The following RGS7 variants were observed in gnomAD, a reference collection of about 807,000 sequenced individuals.
The protein encoded by RGS7 is regulator of G-protein signaling 7.
A neutral mutation model predicts 81.1 loss-of-function variants in RGS7; 27 were observed. The ratio of observed to expected loss-of-function variants is 0.33; its 90% CI spans 0.25 to 0.46. The LOEUF (loss-of-function observed/expected upper bound fraction) is 0.46. Among genes scored for constraint, RGS7 ranks in the 20% least tolerant of loss-of-function variants. The pLI is 1.00. For synonymous variants in RGS7, 208 were observed against 207.7 expected (o/e 1.00, Z -0.01); for missense variants, 396 against 607.4 (o/e 0.65, Z 3.66).
chr1:241,245,438 G>C (rs911992317), intron 2 of RGS7, among the ~76,000 whole-genome samples: 2 of 151,224 alleles, frequency 1.3e-5, no homozygotes, highest in Admixed American at 6.6e-5. Flanking sequence ...CTCCCCAGAA[G>C]CAGAAGCTTG....
chr1:241,318,540 T>C (rs1028433860), intron 2 of RGS7, among the ~76,000 whole-genome samples: 2 of 152,024 alleles, frequency 1.3e-5, no homozygotes, highest in African/African-American at 4.8e-5. Flanking sequence ...CACCACAACC[T>C]CTGCCTCCTG....
intron 3 of RGS7, among the ~76,000 whole-genome samples, chr1:241,086,364 C>A (rs1255396991): frequency 6.6e-6 from 1 of 152,124 alleles, no homozygotes; most frequent in Non-Finnish European, 1.5e-5. Context: ...TGGGTGACAT[C>A]ACTGTTGGTA....
chr1:241,134,982 T>A (rs1459612658), intron 2 of RGS7, among the ~76,000 whole-genome samples: 1 of 150,098 alleles, frequency 6.7e-6, no homozygotes, highest in East Asian at 2.0e-4. Context: ...CCTCTGAAGA[T>A]GGAGAAGGAG....
chr1:241,015,499 C>A (rs548596229), intron 3 of RGS7, among the ~76,000 whole-genome samples: 1 of 152,138 alleles, frequency 6.6e-6, no homozygotes, highest in Non-Finnish European at 1.5e-5. Context: ...ACCATTATAG[C>A]TTCATTTCAT....
chr1:241,200,076 G>T (rs1485043219), intron 2 of RGS7, among the ~76,000 whole-genome samples: 5 of 152,082 alleles, frequency 3.3e-5, no homozygotes, highest in African/African-American at 4.8e-5. Context: ...GAAATTATTA[G>T]TAACAACTCC....
At chr1:240,904,914 T>A (rs1026946756) in intron 6 of RGS7, among the ~76,000 whole-genome samples, 1 of 152,172 alleles carries the variant, frequency 6.6e-6, no homozygotes, top group Non-Finnish European at 1.5e-5. Flanking sequence ...ACAAACATCA[T>A]AAATGATTCT....
intron 4 of RGS7, among the ~76,000 whole-genome samples, chr1:240,971,582 G>C (rs561601629): frequency 6.6e-6 from 1 of 152,298 alleles, no homozygotes; most frequent in Admixed American, 6.5e-5. Context: ...TGAGGACTTT[G>C]TTTGTTCCTT....
At chr1:241,016,559 CCAAA>C (rs113837578) in intron 3 of RGS7, among the ~76,000 whole-genome samples, 14,266 of 151,020 alleles carry the variant, frequency 0.094, 1,181 homozygotes, top group African/African-American at 0.23. Flanking sequence ...CAAAAACCAA[CCAAA>C]CAAACAAAAA....
intron 9 of RGS7, among the ~76,000 whole-genome samples, chr1:240,840,824 C>T (rs142859885): frequency 0.013 from 2,004 of 152,266 alleles, 38 homozygotes; most frequent in African/African-American, 0.046. Flanking sequence ...CTGAAATTTC[C>T]TGGTACCTAG....
At chr1:240,777,282 C>CA (rs71172641) in intron 18 of RGS7, among the ~76,000 whole-genome samples, 20,014 of 143,120 alleles carry the variant, frequency 0.14, 2,020 homozygotes, top group African/African-American at 0.29. Context: ...GACTCTGTCT[C>CA]AAAAAAAAAA....
chr1:240,844,039 T>A (rs982475484), intron 9 of RGS7, among the ~76,000 whole-genome samples: 2 of 152,202 alleles, frequency 1.3e-5, no homozygotes, highest in South Asian at 4.1e-4. Context: ...TGCCTGAGTG[T>A]GTTTGTACAC....
chr1:240,981,928 G>C (rs1403890381), intron 4 of RGS7, among the ~76,000 whole-genome samples: 2 of 152,116 alleles, frequency 1.3e-5, no homozygotes, highest in Non-Finnish European at 2.9e-5. Flanking sequence ...CAGCTATGCC[G>C]AGTTCCTCTC....
At chr1:240,858,807 T>G (rs1181279700) in intron 9 of RGS7, among the ~76,000 whole-genome samples, 2 of 152,214 alleles carry the variant, frequency 1.3e-5, no homozygotes, top group Admixed American at 1.3e-4. Context: ...TTTTCAAATG[T>G]TGAACCAGTC....
chr1:241,006,969 T>C (rs925068407), intron 3 of RGS7, among the ~76,000 whole-genome samples: 3 of 152,154 alleles, frequency 2.0e-5, no homozygotes, highest in African/African-American at 4.8e-5. Context: ...CAGGCTGGAG[T>C]GCAGTGGTGT....
chr1:240,850,539 A>T (rs1432321448), intron 9 of RGS7, among the ~76,000 whole-genome samples: 1 of 152,226 alleles, frequency 6.6e-6, no homozygotes, highest in Non-Finnish European at 1.5e-5. Context: ...TCAGGCCAAT[A>T]ATAACCCTAC....
chr1:241,321,916 T>C (rs2081235771), intron 2 of RGS7, among the ~76,000 whole-genome samples: 1 of 152,204 alleles, frequency 6.6e-6, no homozygotes, highest in Non-Finnish European at 1.5e-5. Flanking sequence ...TCTGCCTTCA[T>C]TGTTGATTAA....
chr1:240,816,672 T>C (rs1416618087), intron 10 of RGS7, among the ~76,000 whole-genome samples: 8 of 152,292 alleles, frequency 5.3e-5, no homozygotes, highest in Middle Eastern at 3.4e-3. Flanking sequence ...AAGGTGCATG[T>C]GATAAAATTT....
intron 2 of RGS7, among the ~76,000 whole-genome samples, chr1:241,251,868 C>T (rs1317563365): frequency 6.6e-6 from 1 of 151,864 alleles, no homozygotes; most frequent in Non-Finnish European, 1.5e-5. Flanking sequence ...TGAAGGAAAT[C>T]CTTTTGCCAC....
intron 3 of RGS7, among the ~76,000 whole-genome samples, chr1:241,093,303 TA>T (rs1309279445): frequency 6.6e-6 from 1 of 152,204 alleles, no homozygotes; most frequent in Non-Finnish European, 1.5e-5. Flanking sequence ...TTATAGCCTT[TA>T]AACAGTTCTG....
Sources: gnomAD v4.1 joint callset for allele counts (sites outside exome capture counted in the v4.1 genomes callset) on GRCh38, gnomAD v4.1.1 for gene constraint, MANE v1.5 for transcripts, NCBI Gene and HGNC (gene_info 2026-07-23, HGNC 2026-07-21) for gene names.